TTC7A: variants seen among roughly 807,000 people sequenced by gnomAD.
TTC7A encodes tetratricopeptide repeat domain 7A.
Under a neutral mutation model 103.7 loss-of-function variants are expected in TTC7A, and 110 were observed. The ratio of observed to expected loss-of-function variants is 1.06; its 90% CI spans 0.91 to 1.24. TTC7A has a LOEUF of 1.24. Ranked by LOEUF, TTC7A falls within the 50% of genes most tolerant of loss-of-function variation. The pLI, the probability that TTC7A is intolerant of heterozygous loss-of-function variation, is 0.00. For missense variants in TTC7A, 1,340 were observed against 1,116.3 expected (o/e 1.20, Z -2.86); for synonymous variants, 521 against 467.9 (o/e 1.11, Z -1.47).
chr2:47,042,644 C>T (rs780086084), intron 15 of TTC7A, among the ~76,000 whole-genome samples: 25 of 151,684 alleles, frequency 1.6e-4, no homozygotes, highest in Non-Finnish European at 2.9e-4. Context: ...CTCAAACAGT[C>T]ATATTTTAGG....
At chr2:46,979,993 C>T (rs1212607954) in intron 5 of TTC7A, among the ~76,000 whole-genome samples, 1 of 152,204 alleles carries the variant, frequency 6.6e-6, no homozygotes, top group African/African-American at 2.4e-5. Context: ...TGACCACCTC[C>T]TCACACACAA....
chr2:46,917,637 C>A (rs1558469895), intron 2 of TTC7A, among the ~76,000 whole-genome samples: 1 of 152,160 alleles, frequency 6.6e-6, no homozygotes, highest in Non-Finnish European at 1.5e-5. Flanking sequence ...TGTGTTATGT[C>A]TCTCTTGAAT....
At chr2:46,960,237 A>T (rs559912364) in intron 3 of TTC7A, among the ~76,000 whole-genome samples, 1 of 152,160 alleles carries the variant, frequency 6.6e-6, no homozygotes, top group Admixed American at 6.5e-5. Context: ...GCTGCAGAGA[A>T]GTCATCATAT....
chr2:47,008,874 T>A (rs1019886791), intron 10 of TTC7A, among the ~76,000 whole-genome samples: 1 of 151,586 alleles, frequency 6.6e-6, no homozygotes, highest in Non-Finnish European at 1.5e-5. Flanking sequence ...GGCAATTGCA[T>A]TGGCTGTGTT....
chr2:46,974,049 G>A (rs984103938), intron 3 of TTC7A, among the ~76,000 whole-genome samples: 4 of 152,192 alleles, frequency 2.6e-5, no homozygotes, highest in East Asian at 1.9e-4. Flanking sequence ...AGGCTCAATC[G>A]TCCAAAGTGT....
In TTC7A at chr2:46,941,573, T is replaced by C; in HGVS notation, c.32T>C (p.Leu11Pro). The change falls in exon 1 of 20, where the codon CTG becomes CCG. Residue 11 changes from leucine to proline, a missense_variant. Coordinates refer to ENST00000319190, the MANE Select transcript of TTC7A (RefSeq NM_020458.4). This position sits in a 1 kb window ranked among gnomAD's most constrained non-coding sequence, Gnocchi z 4.2. ...GCGAAGGGCGCGCACGGCTCCTACCTGAAGGTGGAGAGCGAGCTGGAGCGC... is the reference window on the plus strand; with the variant it reads ...GCGAAGGGCGCGCACGGCTCCTACCCGAAGGTGGAGAGCGAGCTGGAGCGC... MAAKGAHGSY[L>P]KVESELERCR... 2 of 1,557,536 alleles carry C rather than the reference T, an allele frequency of 1.3e-6. No individual in the cohort carries two copies. The highest frequency in any genetic ancestry group is 1.7e-6 in the Non-Finnish European group (2 of 1,151,298).
At chr2:47,056,763 A>G (rs2436770) in intron 18 of TTC7A, among the ~76,000 whole-genome samples, 27,825 of 152,112 alleles carry the variant, frequency 0.18, 2,601 homozygotes, top group Middle Eastern at 0.21. Context: ...CCGGAGACAG[A>G]CAAGCAAGAG....
chr2:47,035,985 G>A (rs1034106618), intron 15 of TTC7A, among the ~76,000 whole-genome samples: 2 of 152,256 alleles, frequency 1.3e-5, no homozygotes, highest in Non-Finnish European at 2.9e-5. Flanking sequence ...CCTAAGGTAA[G>A]AAGAACCTAA....
chr2:46,922,651 G>A (rs898577541), intron 2 of TTC7A, among the ~76,000 whole-genome samples: 3 of 152,018 alleles, frequency 2.0e-5, no homozygotes, highest in Non-Finnish European at 2.9e-5. Context: ...CTGAAGGTGT[G>A]AGAGGTAGAA....
In TTC7A at chr2:47,005,926, C is replaced by G. The variant is rs200443615; in HGVS notation, c.1070C>G (p.Thr357Ser). 126 of 1,614,172 alleles carry G rather than the reference C, an allele frequency of 7.8e-5. No individual in the cohort carries two copies. The East Asian group carries it at 2.2e-3, about 28-fold the overall frequency. ...CAAACAATGTCCCACCCACAGGCAA[C>G]TCGAGATGTGGTGCTGAGCCGGGTG... ...LLLLISESMA[T>S]RDVVLSRVPE... The change falls in exon 9 of 20, where the codon ACT becomes AGT. Residue 357 changes from threonine to serine, a missense_variant. Physicochemically the swap from Thr to Ser is moderately conservative, Grantham distance 58. Transcript: ENST00000319190.
intron 5 of TTC7A, among the ~76,000 whole-genome samples, chr2:46,989,070 C>T (rs913602695): frequency 1.4e-4 from 21 of 152,182 alleles, no homozygotes; most frequent in Admixed American, 1.1e-3. Flanking sequence ...AAGGGCTCCG[C>T]GAAACGTGTA....
At chr2:47,010,533 C>T (rs1316200475) in intron 10 of TTC7A, among the ~76,000 whole-genome samples, 2 of 150,700 alleles carry the variant, frequency 1.3e-5, no homozygotes, top group Admixed American at 6.6e-5. Context: ...TGGCCGTCCT[C>T]AGCAGGTCCA....
intron 15 of TTC7A, among the ~76,000 whole-genome samples, chr2:47,042,240 G>A (rs766969931): frequency 1.3e-5 from 2 of 152,216 alleles, no homozygotes; most frequent in East Asian, 1.9e-4. Flanking sequence ...TGTGGCTAAT[G>A]CCTGTAATCC....
At chr2:47,009,075 C>T (rs925111576) in intron 10 of TTC7A, among the ~76,000 whole-genome samples, 9 of 152,094 alleles carry the variant, frequency 5.9e-5, no homozygotes, top group East Asian at 5.8e-4. Flanking sequence ...AGAAGGAGGC[C>T]GAGGAGAAGC....
At chr2:46,924,902 T>C (rs887782219) in intron 2 of TTC7A, among the ~76,000 whole-genome samples, 1 of 152,248 alleles carries the variant, frequency 6.6e-6, no homozygotes, top group African/African-American at 2.4e-5. Flanking sequence ...CCTAGGATTA[T>C]GAGCGTGAGC....
In TTC7A at chr2:46,956,767, C is replaced by T. The variant is rs1035628942; in HGVS notation, c.349-72C>T. The T allele has an allele frequency of 5.1e-6, 8 of 1,563,942 alleles. No individual in the cohort carries two copies. In the African/African-American group the frequency reaches 1.1e-4, roughly 21 times the overall value. On this transcript the variant is annotated intron_variant, in intron 2 of 19. Coordinates refer to ENST00000319190, the MANE Select transcript of TTC7A (RefSeq NM_020458.4). ...AGCAAGGTCTGAGGCAAACAAGGTCCAGGTTCAGTGGGGGTGTTCACCCCA... is the reference window on the plus strand; with the variant it reads ...AGCAAGGTCTGAGGCAAACAAGGTCTAGGTTCAGTGGGGGTGTTCACCCCA...
chr2:46,997,904 C>G (rs80106292), intron 8 of TTC7A, among the ~76,000 whole-genome samples: 1 of 152,080 alleles, frequency 6.6e-6, no homozygotes, highest in African/African-American at 2.4e-5. Flanking sequence ...CCACCCACCC[C>G]CAAACCCTCC....
chr2:46,967,193 A>T (rs1672936043), intron 3 of TTC7A, among the ~76,000 whole-genome samples: 1 of 152,132 alleles, frequency 6.6e-6, no homozygotes, highest in South Asian at 2.1e-4. Context: ...AGCCTGGGTG[A>T]CAGAGCAAGA....
chr2:47,068,978 T>C (rs1684429188), intron 19 of TTC7A, among the ~76,000 whole-genome samples: 1 of 151,810 alleles, frequency 6.6e-6, no homozygotes, highest in African/African-American at 2.4e-5. Flanking sequence ...TACTGTGCCT[T>C]TGGCTGTACC....
Sources: allele counts gnomAD v4.1 joint callset (sites outside exome capture counted in the v4.1 genomes callset), GRCh38; gene constraint gnomAD v4.1.1; non-coding constraint Gnocchi (gnomAD v3.1); transcripts MANE v1.5; gene names NCBI Gene and HGNC (gene_info 2026-07-23, HGNC 2026-07-21).